SNX16: variants seen among roughly 807,000 people sequenced by gnomAD.
SNX16 encodes the protein sorting nexin-16.
A neutral mutation model predicts 36.7 loss-of-function variants in SNX16; 35 were observed. The ratio of observed to expected loss-of-function variants is 0.95; its 90% CI spans 0.73 to 1.27. The LOEUF (loss-of-function observed/expected upper bound fraction) is 1.27. Ranked by LOEUF, SNX16 falls within the 50% of genes most tolerant of loss-of-function variation. The probability of loss-of-function intolerance (pLI) is 0.00; values close to 1 mark genes in which losing one functional copy is unlikely to be tolerated. For synonymous variants in SNX16, 134 were observed against 132.0 expected (o/e 1.02, Z -0.10); for missense variants, 367 against 393.6 (o/e 0.93, Z 0.57).
chr8:81,836,279 A>G (rs972077424), intron 2 of SNX16, among the ~76,000 whole-genome samples: 2 of 152,196 alleles, frequency 1.3e-5, no homozygotes, highest in African/African-American at 4.8e-5. Flanking sequence ...TATGAGAGCA[A>G]TTCAAAAGAA....
In SNX16 at chr8:81,801,460, T is replaced by C. The variant is rs548226553; in HGVS notation, c.*37A>G. 1.2e-4 allele frequency: 156 copies of C among 1,270,622 alleles called. No individual in the cohort carries two copies. The South Asian group carries it at 1.9e-3, about 15-fold the overall frequency. The allele number at this position is 1,270,622 out of a possible 1,614,324, so 78.7% of individuals were successfully genotyped here. ...TAGTATTTGCCACTCTTCTAAATTTTTGAATAGTCTAAATGGAGGGAACTG... is the reference window on the plus strand; with the variant it reads ...TAGTATTTGCCACTCTTCTAAATTTCTGAATAGTCTAAATGGAGGGAACTG... On this transcript the variant is annotated 3_prime_UTR_variant, in exon 8 of 8. Transcript: ENST00000345957.
intron 4 of SNX16, among the ~76,000 whole-genome samples, chr8:81,822,666 A>T (rs762745822): frequency 2.0e-5 from 3 of 151,984 alleles, no homozygotes; most frequent in Non-Finnish European, 4.4e-5. Flanking sequence ...TGTGTTAAAG[A>T]TGACTCACAG....
In SNX16 at chr8:81,839,847, G is replaced by A. The variant is rs780017252; in HGVS notation, c.140C>T (p.Ser47Leu). 2 of 1,613,858 alleles carry A rather than the reference G, an allele frequency of 1.2e-6. No individual in the cohort carries two copies. The highest frequency in any genetic ancestry group is 3.3e-5 in the Admixed American group (2 of 59,990). The change falls in exon 2 of 8, where the codon TCA becomes TTA. Residue 47 changes from serine to leucine, a missense_variant. By Grantham distance (145) the Ser-to-Leu change is moderately radical. Coordinates refer to ENST00000345957, the MANE Select transcript of SNX16 (RefSeq NM_152836.3). ...SNSSKGQLED[S>L]NMGNFKQTSV... ...TGTCTGTTTAAAATTACCCATATTTGAGTCTTCTAACTGGCCCTTAGAAGA... is the reference window on the plus strand; with the variant it reads ...TGTCTGTTTAAAATTACCCATATTTAAGTCTTCTAACTGGCCCTTAGAAGA...
chr8:81,834,727 C>G (rs1811417535), intron 2 of SNX16, among the ~76,000 whole-genome samples: 1 of 152,228 alleles, frequency 6.6e-6, no homozygotes, highest in Non-Finnish European at 1.5e-5. Context: ...ATGTCTGGGT[C>G]CTGCTCATGC....
intron 4 of SNX16, among the ~76,000 whole-genome samples, chr8:81,816,408 T>TCC (rs1810495881): frequency 5.3e-5 from 8 of 151,962 alleles, no homozygotes; most frequent in Admixed American, 5.2e-4. Flanking sequence ...CAGGCTGGTC[T>TCC]CCCACTCCTG....
intron 5 of SNX16, among the ~76,000 whole-genome samples, chr8:81,805,808 A>C (rs11987393): frequency 0.25 from 37,579 of 151,722 alleles, 5,181 homozygotes; most frequent in East Asian, 0.37. Flanking sequence ...GTAGTCCCAG[A>C]TACTCGGGAG....
rs143484763 is a variant in SNX16 at position 81,805,215 on chromosome 8, A to T, written c.682-1987T>A. 1.1e-4 allele frequency among the ~76,000 whole-genome samples: 16 copies of T among 152,264 alleles called. No individual in the cohort carries two copies. The East Asian group carries it at 3.1e-3, about 29-fold the overall frequency. ...CTCTGAAAAAAATGCAAATAGACTAAAAAACAGTCAATAATATTAGAAAAA... is the reference window on the plus strand; with the variant it reads ...CTCTGAAAAAAATGCAAATAGACTATAAAACAGTCAATAATATTAGAAAAA... On this transcript the variant is annotated intron_variant, in intron 5 of 7. Coordinates refer to ENST00000345957, the MANE Select transcript of SNX16 (RefSeq NM_152836.3).
rs1809593871 is a variant in SNX16 at position 81,799,661 on chromosome 8, A to G, written c.*1836T>C. On this transcript the variant is annotated 3_prime_UTR_variant, in exon 8 of 8. Coordinates refer to ENST00000345957, the MANE Select transcript of SNX16 (RefSeq NM_152836.3). ...TTATAAAAGTAAAAAAAAGTAAATT[A>G]TAAATATAAATAATAGTGGTTTACC... The G allele has an allele frequency of 1.3e-5, 2 of 151,950 alleles. No homozygotes were observed. The highest frequency in any genetic ancestry group is 2.9e-5 in the Non-Finnish European group (2 of 67,856). The allele number at this position is 151,950 out of a possible 1,614,324, so 9.4% of individuals were successfully genotyped here.
chr8:81,826,832 T>C (rs1355703314), intron 3 of SNX16, among the ~76,000 whole-genome samples: 1 of 152,244 alleles, frequency 6.6e-6, no homozygotes, highest in East Asian at 1.9e-4. Flanking sequence ...AACTGGGAAA[T>C]GTAAATTCCT....
chr8:81,835,981 C>T (rs950083578), intron 2 of SNX16, among the ~76,000 whole-genome samples: 2 of 152,236 alleles, frequency 1.3e-5, no homozygotes, highest in African/African-American at 4.8e-5. Flanking sequence ...TCCCTTTTGC[C>T]TATCAGCTTG....
intron 3 of SNX16, among the ~76,000 whole-genome samples, chr8:81,827,781 A>G (rs1423038140): frequency 1.3e-5 from 2 of 152,202 alleles, no homozygotes; most frequent in African/African-American, 4.8e-5. Context: ...CTAACTTTAA[A>G]GCTTCAAGGA....
chr8:81,815,702 T>C (rs985943566), intron 4 of SNX16: 1 of 217,096 alleles, frequency 4.6e-6, no homozygotes, highest in Non-Finnish European at 9.5e-6. Flanking sequence ...AAAGAAATAT[T>C]AGTCTGAACT....
intron 7 of SNX16, 124 bp from the exon 8 acceptor site, chr8:81,801,717 G>C (rs1459476272): frequency 1.1e-5 from 6 of 529,506 alleles, no homozygotes; most frequent in Non-Finnish European, 1.9e-5. Flanking sequence ...TAGTGTAAAA[G>C]TATTTAATGT....
chr8:81,831,267 C>A (rs1811254994), intron 2 of SNX16, among the ~76,000 whole-genome samples: 1 of 151,996 alleles, frequency 6.6e-6, no homozygotes, highest in African/African-American at 2.4e-5. Context: ...TGATGTGAGA[C>A]CTAATTAAAA....
At position 81,801,613 on chromosome 8, in the gene SNX16, A is replaced by G. The variant is rs1421550285; in HGVS notation, c.939-20T>C. 4 of 1,344,076 alleles carry G rather than the reference A, an allele frequency of 3.0e-6. No homozygotes were observed. The highest frequency in any genetic ancestry group is 1.3e-5 in the South Asian group (1 of 79,884). 83.3% of individuals were successfully genotyped at this position (1,344,076 alleles called of 1,614,324 possible). On this transcript the variant is annotated intron_variant, in intron 7 of 7. Transcript: ENST00000345957. ...TCAGCTCTGCAAAAAAAAAAAAAAAAGGAACATATCAATGATGGGACTGGA... is the reference window on the plus strand; with the variant it reads ...TCAGCTCTGCAAAAAAAAAAAAAAAGGGAACATATCAATGATGGGACTGGA...
chr8:81,813,488 AATAT>A (rs960463929), intron 5 of SNX16, among the ~76,000 whole-genome samples: 3 of 151,334 alleles, frequency 2.0e-5, no homozygotes, highest in Admixed American at 1.3e-4. Flanking sequence ...TAAAATTAAA[AATAT>A]ATATATGAGA....
chr8:81,837,529 T>C (rs1355465070), intron 2 of SNX16, among the ~76,000 whole-genome samples: 2 of 152,212 alleles, frequency 1.3e-5, no homozygotes, highest in Non-Finnish European at 2.9e-5. Context: ...ATTTGGTATC[T>C]GGAGAGGGCC....
chr8:81,813,732 A>G (rs1353825724), intron 5 of SNX16, among the ~76,000 whole-genome samples: 2 of 151,934 alleles, frequency 1.3e-5, no homozygotes, highest in Admixed American at 6.6e-5. Context: ...TGAATAAGAT[A>G]AACAGCCCAG....
At chr8:81,822,966 A>G (rs7834979) in intron 4 of SNX16, among the ~76,000 whole-genome samples, 1,611 of 126,938 alleles carry the variant, frequency 0.013, 37 homozygotes, top group African/African-American at 0.041. Flanking sequence ...ATATATATAT[A>G]TATATATATA....
Sources: allele counts gnomAD v4.1 joint callset (sites outside exome capture counted in the v4.1 genomes callset), GRCh38; gene constraint gnomAD v4.1.1; transcripts MANE v1.5; gene names NCBI Gene and HGNC (gene_info 2026-07-23, HGNC 2026-07-21).